Variants in BMPR1B observed in about 807,000 individuals in gnomAD.
BMPR1B encodes bone morphogenetic protein receptor type-1B.
Under a neutral mutation model 59.1 loss-of-function variants are expected in BMPR1B, and 12 were observed. That is an observed-to-expected ratio of 0.20 (90% CI 0.13 to 0.33). BMPR1B has a LOEUF of 0.33. Ranked by LOEUF, BMPR1B falls within the 10% of genes least tolerant of loss-of-function variation. The pLI is 1.00. For synonymous variants in BMPR1B, 237 were observed against 207.3 expected (o/e 1.14, Z -1.23); for missense variants, 550 against 610.9 (o/e 0.90, Z 1.05).
intron 2 of BMPR1B, among the ~76,000 whole-genome samples, chr4:94,935,997 A>G (rs761183527): frequency 2.0e-5 from 3 of 151,860 alleles, no homozygotes; most frequent in Non-Finnish European, 2.9e-5. Flanking sequence ...TATTATTGTT[A>G]TTTTTGTATT....
intron 2 of BMPR1B, among the ~76,000 whole-genome samples, chr4:94,958,556 A>T (rs138779821): frequency 6.6e-6 from 1 of 152,160 alleles, no homozygotes; most frequent in East Asian, 1.9e-4. Context: ...CTAATCTCTT[A>T]TAAGAACGCC....
chr4:94,861,920 C>T (rs977805022), intron 1 of BMPR1B, among the ~76,000 whole-genome samples: 4 of 151,836 alleles, frequency 2.6e-5, no homozygotes, highest in African/African-American at 9.7e-5. Context: ...TATTACCATC[C>T]CAAGTCTGAG....
chr4:94,852,767 T>C (rs567022699), intron 1 of BMPR1B, among the ~76,000 whole-genome samples: 1 of 152,300 alleles, frequency 6.6e-6, no homozygotes, highest in South Asian at 2.1e-4. Flanking sequence ...ATTTTATACT[T>C]GCCAATTGAT....
At chr4:94,903,599 G>C (rs1727915777) in intron 2 of BMPR1B, among the ~76,000 whole-genome samples, 1 of 151,558 alleles carries the variant, frequency 6.6e-6, no homozygotes, top group African/African-American at 2.4e-5. Context: ...ATTTTATACA[G>C]CAGATGCTTA....
At chr4:95,067,455 G>A (rs755956582) in intron 3 of BMPR1B, among the ~76,000 whole-genome samples, 4 of 152,144 alleles carry the variant, frequency 2.6e-5, no homozygotes, top group Non-Finnish European at 4.4e-5. Context: ...CGGCCAAGAA[G>A]TTTACCCGAC....
rs1208616009 is a variant in BMPR1B, at chr4:94,841,312, T to G, written c.-182-34519T>G. On this transcript the variant is annotated intron_variant, in intron 1 of 12. Transcript: ENST00000515059. Reference sequence around the variant, plus strand: ...CACCCAGTTCGAGCTTCCTGGCTGCTTTGTTTACCTAAGCAAGCCTGGGCA... The same window carrying G: ...CACCCAGTTCGAGCTTCCTGGCTGCGTTGTTTACCTAAGCAAGCCTGGGCA... 6.7e-5 allele frequency among the ~76,000 whole-genome samples: 10 copies of G among 148,330 alleles called. 1 individual carries two copies. The highest frequency in any genetic ancestry group is 4.7e-4 in the Admixed American group (7 of 14,976).
At chr4:95,067,893 T>A (rs1297934870) in intron 3 of BMPR1B, among the ~76,000 whole-genome samples, 2 of 152,160 alleles carry the variant, frequency 1.3e-5, no homozygotes, top group Non-Finnish European at 2.9e-5. Flanking sequence ...TAGGTGTGCA[T>A]CTGACTTAAA....
chr4:94,864,302 G>A (rs1466502304), intron 1 of BMPR1B, among the ~76,000 whole-genome samples: 4 of 152,146 alleles, frequency 2.6e-5, no homozygotes. Flanking sequence ...TTCATGGTGG[G>A]TGGGAGATAA....
intron 3 of BMPR1B, among the ~76,000 whole-genome samples, chr4:95,102,465 A>G (rs1177353150): frequency 6.6e-6 from 1 of 152,246 alleles, no homozygotes; most frequent in African/African-American, 2.4e-5. Flanking sequence ...GTTTTAAAGC[A>G]TCAAAAATAA....
intron 2 of BMPR1B, among the ~76,000 whole-genome samples, chr4:94,937,709 CACACACACAG>C (rs1052808600): frequency 1.6e-4 from 22 of 138,532 alleles, no homozygotes; most frequent in East Asian, 1.2e-3. Context: ...TATGTATAAA[CACACACACAG>C]ACACACACAC....
intron 2 of BMPR1B, among the ~76,000 whole-genome samples, chr4:94,887,403 C>CAAAAAAAAAAAAAAAAAA (rs57818132): frequency 4.0e-4 from 22 of 54,798 alleles, no homozygotes; most frequent in South Asian, 6.5e-4. Flanking sequence ...CACCCCCCAC[C>CAAAAAAAAAAAAAAAAAA]AAAAAAAAAA....
At chr4:94,932,952 C>G (rs1318654384) in intron 2 of BMPR1B, among the ~76,000 whole-genome samples, 2 of 152,014 alleles carry the variant, frequency 1.3e-5, no homozygotes, top group Non-Finnish European at 2.9e-5. Context: ...GCTATAGTAG[C>G]TACAATAGCT....
chr4:94,819,935 A>G (rs1724144565), intron 1 of BMPR1B, among the ~76,000 whole-genome samples: 2 of 152,168 alleles, frequency 1.3e-5, no homozygotes, highest in Non-Finnish European at 2.9e-5. Context: ...TCCTGCCAAA[A>G]TGAACAGCTC....
At chr4:94,958,535 CCTT>C (rs776977118) in intron 2 of BMPR1B, among the ~76,000 whole-genome samples, 1 of 152,112 alleles carries the variant, frequency 6.6e-6, no homozygotes, top group Non-Finnish European at 1.5e-5. Flanking sequence ...TCTGGTGTCT[CCTT>C]CTGTCTCCTA....
At chr4:94,782,328 ATTTTTTT>A (rs60231217) in intron 1 of BMPR1B, among the ~76,000 whole-genome samples, 1 of 144,606 alleles carries the variant, frequency 6.9e-6, no homozygotes, top group Non-Finnish European at 1.5e-5. Flanking sequence ...TTTAATGTTA[ATTTTTTT>A]TTTTTTGTCA....
At chr4:94,943,805 A>G (rs938626533) in intron 2 of BMPR1B, among the ~76,000 whole-genome samples, 1 of 152,196 alleles carries the variant, frequency 6.6e-6, no homozygotes, top group African/African-American at 2.4e-5. Context: ...TTCTGTTTTT[A>G]TCTCAAGAAC....
chr4:94,956,454 A>G (rs1223146556), intron 2 of BMPR1B, among the ~76,000 whole-genome samples: 1 of 152,166 alleles, frequency 6.6e-6, no homozygotes, highest in African/African-American at 2.4e-5. Flanking sequence ...AATGTGGGGT[A>G]GCTTATTTTA....
chr4:94,775,315 T>G (rs1722327091), intron 1 of BMPR1B, among the ~76,000 whole-genome samples: 1 of 152,212 alleles, frequency 6.6e-6, no homozygotes, highest in South Asian at 2.1e-4. Context: ...TAAAACAGAA[T>G]GAGGAAAATG....
intron 2 of BMPR1B, among the ~76,000 whole-genome samples, chr4:94,954,746 T>C (rs1461761179): frequency 6.6e-6 from 1 of 152,184 alleles, no homozygotes; most frequent in Non-Finnish European, 1.5e-5. Flanking sequence ...CCACAATATA[T>C]ATCTCAAAAG....
Sources: allele counts gnomAD v4.1 joint callset (sites outside exome capture counted in the v4.1 genomes callset), GRCh38; gene constraint gnomAD v4.1.1; transcripts MANE v1.5; gene names NCBI Gene and HGNC (gene_info 2026-07-23, HGNC 2026-07-21).